DMD: variants seen among roughly 807,000 people sequenced by gnomAD.
DMD encodes the protein mutant dystrophin.
In DMD, 63 loss-of-function variants were observed where a neutral mutation model predicts 330.1. The ratio of observed to expected loss-of-function variants is 0.19; its 90% CI spans 0.16 to 0.24. The LOEUF is 0.24. DMD is among the 10% of genes least tolerant of loss of function. The pLI, the probability that DMD is intolerant of heterozygous loss-of-function variation, is 1.00. For missense variants in DMD, 3,344 were observed against 2,684.1 expected, an observed-to-expected ratio of 1.25 and a Z score of -5.43; for synonymous variants, 1,223 against 959.8, an observed-to-expected ratio of 1.27 and a Z score of -5.07.
In DMD at chrX:32,472,275, C is replaced by T. The variant is rs748899345; in HGVS notation, c.2838G>A (p.Glu946=). ...FDTLPPMRYQ[E]TMSAIRTWVQ... ...CCCATGTCCTGATGGCACTCATGGTCTCCTGATAGCGCATTGGTGGCAAAG... is the reference window on the plus strand; with the variant it reads ...CCCATGTCCTGATGGCACTCATGGTTTCCTGATAGCGCATTGGTGGCAAAG... The change falls in exon 22 of 79, where the codon GAG becomes GAA. Residue 946 remains glutamate (E), a synonymous_variant. Transcript: ENST00000357033. The T allele has an allele frequency of 1.7e-6, 2 of 1,210,777 alleles. No individual in the cohort carries two copies.
chrX:32,205,042 C>CA (rs1491458995), intron 44 of DMD, among the ~76,000 whole-genome samples: 668 of 56,752 alleles, frequency 0.012, 9 homozygotes, highest in African/African-American at 0.029. Context: ...CACACACACA[C>CA]CCACACACAC....
chrX:32,992,744 T>C (rs1175370784), intron 2 of DMD, among the ~76,000 whole-genome samples: 1 of 109,305 alleles, frequency 9.1e-6, no homozygotes, highest in Non-Finnish European at 1.9e-5. Context: ...CCGTCTCTAC[T>C]AAAATACAAA....
At chrX:31,948,017 C>A (rs1011813885) in intron 45 of DMD, among the ~76,000 whole-genome samples, 6 of 111,119 alleles carry the variant, frequency 5.4e-5, no homozygotes, top group African/African-American at 2.0e-4. Context: ...TGAACAGCAA[C>A]TCCCAGTTCC....
At position 31,478,356 on chromosome X, in the gene DMD, C is replaced by T. The variant is rs1165688931; in HGVS notation, c.8687G>A (p.Arg2896Lys). Residue 2896 changes from arginine to lysine, a missense_variant, in exon 59 of 79, where the codon AGA (arginine) becomes AAA (lysine). By Grantham distance (26) the Arg-to-Lys change is conservative. Transcript: ENST00000357033. ...QEPRELPPEERAQNVTRLLRK... is the reference protein window; with the variant it reads ...QEPRELPPEEKAQNVTRLLRK... ...TAGAAGCCGAGTGACATTCTGGGCT[C>T]TCTCCTCAGGAGGCAGCTCTAAATT... The T allele has an allele frequency of 1.7e-6, 2 of 1,209,911 alleles. No individual in the cohort carries two copies. The highest frequency in any genetic ancestry group is 2.2e-5 in the Admixed American group (1 of 45,692).
chrX:32,416,507 A>C (rs1027712449), intron 29 of DMD, among the ~76,000 whole-genome samples: 2 of 112,036 alleles, frequency 1.8e-5, no homozygotes. Flanking sequence ...TAAAGCCCTC[A>C]TTTTTATGAG....
intron 59 of DMD, among the ~76,000 whole-genome samples, chrX:31,465,273 G>A (rs770728107): frequency 9.1e-6 from 1 of 110,479 alleles, no homozygotes; most frequent in African/African-American, 3.3e-5. Context: ...TGTTACATAG[G>A]TATACACATG....
intron 29 of DMD, among the ~76,000 whole-genome samples, chrX:32,437,284 G>A (rs949913341): frequency 6.2e-5 from 7 of 112,017 alleles, no homozygotes; most frequent in Admixed American, 9.4e-5. Flanking sequence ...TGGAGGTGCT[G>A]CTGGTACATT....
At chrX:32,784,702 G>A (rs761854797) in intron 7 of DMD, among the ~76,000 whole-genome samples, 11 of 111,538 alleles carry the variant, frequency 9.9e-5, no homozygotes, top group East Asian at 8.4e-4. Context: ...GTATGGATCC[G>A]TGGATTTTGG....
intron 1 of DMD, 48 bp from the exon 2 acceptor site, chrX:33,020,248 T>C: frequency 1.1e-6 from 1 of 914,615 alleles, no homozygotes; most frequent in Non-Finnish European, 1.6e-6. Context: ...ACTTTAAATA[T>C]AATTCATATT....
chrX:32,318,499 A>G (rs1213303592), intron 41 of DMD, among the ~76,000 whole-genome samples: 1 of 111,472 alleles, frequency 9.0e-6, no homozygotes, highest in Non-Finnish European at 1.9e-5. Context: ...AAGATGTTGA[A>G]TAATCAATCT....
At chrX:31,378,648 C>T (rs1239215485) in intron 60 of DMD, among the ~76,000 whole-genome samples, 1 of 109,280 alleles carries the variant, frequency 9.2e-6, no homozygotes, top group Non-Finnish European at 1.9e-5. Context: ...GGGGCAAGAA[C>T]CCCCCAACCC....
intron 44 of DMD, among the ~76,000 whole-genome samples, chrX:32,187,010 T>A (rs1028461040): frequency 4.5e-5 from 5 of 110,653 alleles, no homozygotes; most frequent in African/African-American, 1.6e-4. Flanking sequence ...TTTTTCAAAA[T>A]TAAAAGTTTT....
chrX:32,382,985 A>T (rs2097935223), intron 33 of DMD, among the ~76,000 whole-genome samples: 1 of 111,172 alleles, frequency 9.0e-6, no homozygotes, highest in Admixed American at 9.6e-5. Context: ...TCATTGTTTC[A>T]CGAAGTTAAC....
At chrX:32,868,426 G>A (rs1019995709) in intron 2 of DMD, among the ~76,000 whole-genome samples, 4 of 111,567 alleles carry the variant, frequency 3.6e-5, no homozygotes, top group African/African-American at 1.3e-4. Flanking sequence ...TAAGAGAACT[G>A]CCACCTAAGA....
At chrX:32,620,422 G>C (rs982543103) in intron 11 of DMD, among the ~76,000 whole-genome samples, 3 of 112,232 alleles carry the variant, frequency 2.7e-5, no homozygotes, top group Admixed American at 9.5e-5. Context: ...TATTCCTTTT[G>C]AGAGTGTTTA....
chrX:31,476,178 A>C (rs1342737329), intron 59 of DMD, among the ~76,000 whole-genome samples: 2 of 107,347 alleles, frequency 1.9e-5, no homozygotes, highest in African/African-American at 6.7e-5. Context: ...GGGGTTGTAG[A>C]CACTCAGGAA....
chrX:32,373,277 C>A (rs754152245), intron 34 of DMD, among the ~76,000 whole-genome samples: 37 of 109,188 alleles, frequency 3.4e-4, no homozygotes, highest in Non-Finnish European at 5.5e-4. Context: ...ACTGGCCTAT[C>A]AAAAGGATCC....
At chrX:32,628,704 G>T (rs1490683175) in intron 11 of DMD, among the ~76,000 whole-genome samples, 2 of 110,341 alleles carry the variant, frequency 1.8e-5, no homozygotes, top group Non-Finnish European at 3.8e-5. Flanking sequence ...CATAGGTTTT[G>T]GTTACATTGC....
chrX:32,657,376 TA>T (rs1326666444), intron 9 of DMD, among the ~76,000 whole-genome samples: 5 of 112,045 alleles, frequency 4.5e-5, no homozygotes, highest in African/African-American at 1.6e-4. Flanking sequence ...TAAGCATCAA[TA>T]AAAAAACTTT....
Sources: allele counts gnomAD v4.1 joint callset (sites outside exome capture counted in the v4.1 genomes callset), GRCh38; gene constraint gnomAD v4.1.1; transcripts MANE v1.5; gene names NCBI Gene and HGNC (gene_info 2026-07-23, HGNC 2026-07-21).